Variants in MDGA1 observed in about 807,000 individuals in gnomAD.
The protein encoded by MDGA1 is MAM domain-containing glycosylphosphatidylinositol anchor protein 1.
Under a neutral mutation model 101.5 loss-of-function variants are expected in MDGA1, and 54 were observed. The observed-to-expected ratio is 0.53, with a 90% confidence interval of 0.43 to 0.67. The LOEUF is 0.67. Ranked by LOEUF, MDGA1 falls within the 30% of genes least tolerant of loss-of-function variation. The pLI, the probability that MDGA1 is intolerant of heterozygous loss-of-function variation, is 0.00. For missense variants in MDGA1, 1,083 were observed against 1,323.8 expected (o/e 0.82, Z 2.82); for synonymous variants, 533 against 558.3 (o/e 0.95, Z 0.64).
intron 1 of MDGA1, among the ~76,000 whole-genome samples, chr6:37,679,746 G>A (rs1762054668): frequency 6.6e-6 from 1 of 152,178 alleles, no homozygotes; most frequent in Admixed American, 6.5e-5. Context: ...CCAGGCACAT[G>A]GCTTCCCACA....
chr6:37,650,168 G>A lies in MDGA1; in HGVS notation c.1550C>T (p.Ala517Val). The A allele has an allele frequency of 6.2e-7, 1 of 1,611,750 alleles. No individual in the cohort carries two copies. The highest frequency in any genetic ancestry group is 8.5e-7 in the Non-Finnish European group (1 of 1,178,274). ...GCGCACGTTGAAGCCATTATAGCGG[G>A]CCGTCTGGCAGCGGTAGGTCCCGCT... The part of the protein sequence containing the change: ...DMSGTYRCQT[A>V]RYNGFNVRPR... The change falls in exon 8 of 17, where the codon GCC becomes GTC. Residue 517 changes from alanine (A) to valine (V), a missense_variant. Transcript: ENST00000434837.
chr6:37,648,985 A>G lies in MDGA1; in HGVS notation c.1891T>C (p.Ser631Pro). ...GCGGGACCCACTGGACGCTCACCGG[A>G]GACCTGGAAGAGGCAGGCAGCCGAG... Reference protein sequence around the residue: ...VGSAACLFQVSAKAYSPEFYF... With the variant: ...VGSAACLFQVPAKAYSPEFYF... The change falls in exon 9 of 17, where the codon TCC (serine) becomes CCC (proline). Residue 631 changes from serine to proline, a missense_variant. Physicochemically the swap from Ser to Pro is moderately conservative, Grantham distance 74 (BLOSUM62 -1). Transcript: ENST00000434837. The G allele has an allele frequency of 6.4e-7, 1 of 1,552,550 alleles. No individual in the cohort carries two copies. Among genetic ancestry groups the G allele is most frequent in the Non-Finnish European group, 8.7e-7 (1 of 1,149,564 alleles).
chr6:37,668,991 G>T (rs758722936), intron 1 of MDGA1, among the ~76,000 whole-genome samples: 1 of 152,148 alleles, frequency 6.6e-6, no homozygotes, highest in Non-Finnish European at 1.5e-5. Flanking sequence ...GGGATTACAG[G>T]TGTCTGCCAC....
chr6:37,645,994 G>T, intron 11 of MDGA1, 38 bp from the exon 12 acceptor site: 2 of 1,613,920 alleles, frequency 1.2e-6, no homozygotes, highest in Non-Finnish European at 1.7e-6. Context: ...CAGAACTGAG[G>T]TGTGGGGCTC....
chr6:37,646,000 G>A (rs777748273), intron 11 of MDGA1, 44 bp from the exon 12 acceptor site: 1 of 1,613,838 alleles, frequency 6.2e-7, no homozygotes, highest in East Asian at 2.2e-5. Flanking sequence ...TGAGGTGTGG[G>A]GCTCTGCAGA....
chr6:37,664,153 G>A, intron 1 of MDGA1, 47 bp from the exon 2 acceptor site: 1 of 1,610,828 alleles, frequency 6.2e-7, no homozygotes, highest in South Asian at 1.1e-5. Context: ...AGGTGCCAAG[G>A]CCAGAAGAAG....
intron 14 of MDGA1, among the ~76,000 whole-genome samples, chr6:37,640,803 G>A (rs974789427): frequency 2.0e-5 from 3 of 152,150 alleles, no homozygotes; most frequent in African/African-American, 7.2e-5. Context: ...TATGGGAATT[G>A]AGGCTAGATC....
chr6:37,692,465 TGGTGTTTGGGGTGGG>T (rs1762330900), intron 1 of MDGA1, among the ~76,000 whole-genome samples: 2 of 142,344 alleles, frequency 1.4e-5, no homozygotes, highest in Admixed American at 1.4e-4. Flanking sequence ...GTGGGGGCAG[TGGTGTTTGGGGTGGG>T]GGTGTCTTCC....
At chr6:37,663,505 G>A (rs76563726) in intron 2 of MDGA1, among the ~76,000 whole-genome samples, 3,079 of 152,288 alleles carry the variant, frequency 0.02, 38 homozygotes, top group Middle Eastern at 0.054. Flanking sequence ...CAAGAGCTGC[G>A]TGCGCTTGGG....
At chr6:37,642,111 G>C (rs1764098016) in intron 14 of MDGA1, among the ~76,000 whole-genome samples, 1 of 150,262 alleles carries the variant, frequency 6.7e-6, no homozygotes, top group Non-Finnish European at 1.5e-5. Context: ...GTATAGGATG[G>C]TATGTGTAAA....
At chr6:37,686,801 G>A (rs1331054120) in intron 1 of MDGA1, among the ~76,000 whole-genome samples, 2 of 152,160 alleles carry the variant, frequency 1.3e-5, no homozygotes, top group Admixed American at 6.5e-5. Flanking sequence ...CATGAGAAGA[G>A]CAGAGCACGA....
intron 1 of MDGA1, among the ~76,000 whole-genome samples, chr6:37,676,144 GCT>G (rs936223703): frequency 6.6e-6 from 1 of 152,214 alleles, no homozygotes; most frequent in African/African-American, 2.4e-5. Flanking sequence ...GAGTGTGTCT[GCT>G]CTGAGAAGGT....
At chr6:37,660,730 T>C (rs1761603596) in intron 2 of MDGA1, among the ~76,000 whole-genome samples, 1 of 152,238 alleles carries the variant, frequency 6.6e-6, no homozygotes, top group Admixed American at 6.5e-5. Context: ...AGTTCCTCAG[T>C]TGTGAATTAT....
In MDGA1 at chr6:37,638,621, G is replaced by C. The variant is rs765753051; in HGVS notation, c.2583C>G (p.Asp861Glu). 3.1e-6 allele frequency: 5 copies of C among 1,613,838 alleles called. No individual in the cohort carries two copies. The highest frequency in any genetic ancestry group is 4.2e-6 in the Non-Finnish European group (5 of 1,179,872). The change falls in exon 15 of 17, where the codon GAC (aspartate) becomes GAG (glutamate). Residue 861 changes from aspartate to glutamate, a missense_variant. Coordinates refer to ENST00000434837, the MANE Select transcript of MDGA1 (RefSeq NM_153487.4). The surrounding 1 kb of genome is among the most constrained non-coding windows in gnomAD (Gnocchi z 4.8). Reference protein sequence around the residue: ...LVRSRNKGALDTHAWSLSGNK... With the variant: ...LVRSRNKGALETHAWSLSGNK... The stretch of plus-strand genomic sequence containing the variant: ...TGCCACTGAGAGACCAGGCGTGCGT[G>C]TCCAGAGCCCCTTTGTTCCGGGACC...
At position 37,696,892 on chromosome 6, in the gene MDGA1, G is replaced by A. The variant is rs1429901373; in HGVS notation, c.-81C>T. 6 of 1,142,824 alleles carry A rather than the reference G, an allele frequency of 5.3e-6. No individual in the cohort carries two copies. In the East Asian group the frequency reaches 1.5e-4, roughly 29 times the overall value. The allele number at this position is 1,142,824 out of a possible 1,614,324, so 70.8% of individuals were successfully genotyped here. A position where few individuals can be genotyped will look rare whatever the true frequency, so the allele number is the denominator to read the frequency against. On this transcript the variant is annotated 5_prime_UTR_variant, in exon 1 of 17. Coordinates refer to ENST00000434837, the MANE Select transcript of MDGA1 (RefSeq NM_153487.4). This position sits in a 1 kb window ranked among gnomAD's most constrained non-coding sequence, Gnocchi z 5.6. ...GGCGCATTCGCCGGGGCCCCGCGACGCCCCTATGTCCCCCCCTTTCCCTGA... is the reference window on the plus strand; with the variant it reads ...GGCGCATTCGCCGGGGCCCCGCGACACCCCTATGTCCCCCCCTTTCCCTGA...
Position 37,656,012 on chromosome 6 carries a change from G to C in MDGA1, c.383-116C>G. ...CACCCTCAACAGACATTTCCAGATT[G>C]CCAGATGCCCTCTCAGCCCTGCAAG... On this transcript the variant is annotated intron_variant, in intron 3 of 16. Coordinates refer to ENST00000434837, the MANE Select transcript of MDGA1 (RefSeq NM_153487.4). 4.9e-6 allele frequency: 4 copies of C among 815,214 alleles called. No homozygotes were observed. In the South Asian group the frequency reaches 7.5e-5, roughly 15 times the overall value. The allele number at this position is 815,214 out of a possible 1,614,324, so 50.5% of individuals were successfully genotyped here. A position where few individuals can be genotyped will look rare whatever the true frequency, so the allele number is the denominator to read the frequency against.
intron 1 of MDGA1, among the ~76,000 whole-genome samples, chr6:37,677,739 A>G (rs553621723): frequency 4.1e-4 from 62 of 152,352 alleles, no homozygotes; most frequent in African/African-American, 1.3e-3. Context: ...AAGCAAATCA[A>G]TGTTGCAGCT....
chr6:37,638,624 C>T lies in MDGA1; in HGVS notation c.2580G>A (p.Leu860=). 1 of 1,613,940 alleles carries T rather than the reference C, an allele frequency of 6.2e-7. No homozygotes were observed. The change falls in exon 15 of 17, where the codon CTG becomes CTA. Residue 860 remains leucine (L), a synonymous_variant. Transcript: ENST00000434837. The surrounding 1 kb of genome is among the most constrained non-coding windows in gnomAD (Gnocchi z 4.8). ...LLVRSRNKGA[L]DTHAWSLSGN... is the part of the protein sequence containing the mutation. Reference sequence around the variant, plus strand: ...CACTGAGAGACCAGGCGTGCGTGTCCAGAGCCCCTTTGTTCCGGGACCGCA... The same window carrying T: ...CACTGAGAGACCAGGCGTGCGTGTCTAGAGCCCCTTTGTTCCGGGACCGCA...
chr6:37,682,390 G>C (rs1178145733), intron 1 of MDGA1, among the ~76,000 whole-genome samples: 2 of 152,130 alleles, frequency 1.3e-5, no homozygotes. Context: ...AGGTTGAGGA[G>C]GGAGAATCCC....
Sources: allele counts gnomAD v4.1 joint callset (sites outside exome capture counted in the v4.1 genomes callset), GRCh38; gene constraint gnomAD v4.1.1; non-coding constraint Gnocchi (gnomAD v3.1); transcripts MANE v1.5; gene names NCBI Gene and HGNC (gene_info 2026-07-23, HGNC 2026-07-21).